The following PCDHGB6 variants were observed in gnomAD, a reference collection of about 807,000 sequenced individuals.
PCDHGB6 encodes the protein protocadherin gamma subfamily B, 6, also known as protocadherin gamma-B6.
Under a neutral mutation model 59.1 loss-of-function variants are expected in PCDHGB6, and 51 were observed. That is an observed-to-expected ratio of 0.86 (90% CI 0.69 to 1.09). The LOEUF (loss-of-function observed/expected upper bound fraction) is 1.09, where lower values mean the gene tolerates loss of function less well. PCDHGB6 is among the 50% of genes least tolerant of loss of function. PCDHGB6 has a pLI of 0.00. For synonymous variants in PCDHGB6, 466 were observed against 495.1 expected (o/e 0.94, Z 0.78); for missense variants, 1,148 against 1,205.1 (o/e 0.95, Z 0.70).
intron 1 of PCDHGB6, 180 bp downstream of exon 1, chr5:141,410,800 T>G: frequency 1.5e-6 from 1 of 678,550 alleles, no homozygotes. Context: ...TAAGTTGCTC[T>G]ATCTTTTTGT....
Position 141,491,739 on chromosome 5 carries a change from C to A in PCDHGB6, c.2419-3068C>A, listed in dbSNP as rs372183034. ...CGCCGCCCCGGGCGACCCCTGGGGG[C>A]GGCACTGGAGAAGCCGCCCGTCCTC... On this transcript the variant is annotated intron_variant, in intron 1 of 3. Transcript: ENST00000520790. The surrounding 1 kb of genome is among the most constrained non-coding windows in gnomAD (Gnocchi z 6.9). 2 of 1,598,886 alleles carry A rather than the reference C, an allele frequency of 1.3e-6. No individual in the cohort carries two copies. The highest frequency in any genetic ancestry group is 1.3e-5 in the African/African-American group (1 of 74,290).
Position 141,432,809 on chromosome 5 carries a change from T to A in PCDHGB6, c.2418+22189T>A. ...CGGCAGCCTCGAGTCTCCAGCTAAC[T>A]CTGAAACCTCAGACCTCACTCTGTA... is the stretch of plus-strand genomic sequence containing the variant. On this transcript the variant is annotated intron_variant, in intron 1 of 3. Coordinates refer to ENST00000520790, the MANE Select transcript of PCDHGB6 (RefSeq NM_018926.3). This position sits in a 1 kb window ranked among gnomAD's most constrained non-coding sequence, Gnocchi z 6.0. The A allele has an allele frequency of 6.2e-7, 1 of 1,613,398 alleles. No homozygotes were observed. Among genetic ancestry groups the A allele is most frequent in the Non-Finnish European group, 8.5e-7 (1 of 1,179,980 alleles).
chr5:141,495,080 G>A (rs73794925), intron 2 of PCDHGB6, among the ~76,000 whole-genome samples: 1 of 152,258 alleles, frequency 6.6e-6, no homozygotes, highest in African/African-American at 2.4e-5. Flanking sequence ...TCACATGCTT[G>A]CCCCTTCCCT....
chr5:141,419,426 G>A (rs753089031), intron 1 of PCDHGB6: 19 of 1,613,194 alleles, frequency 1.2e-5, no homozygotes, highest in Non-Finnish European at 1.5e-5. Context: ...CTTCGACCAC[G>A]AGCAGCTGCG....
At chr5:141,466,545 T>C (rs2099124777) in intron 1 of PCDHGB6, among the ~76,000 whole-genome samples, 1 of 152,216 alleles carries the variant, frequency 6.6e-6, no homozygotes. Flanking sequence ...AGATGGTCTT[T>C]TGCTGTGGGC....
At chr5:141,510,849 G>C (rs959784028) in intron 3 of PCDHGB6, 98 bp from the exon 4 acceptor site, 10 of 1,596,568 alleles carry the variant, frequency 6.3e-6, no homozygotes, top group Middle Eastern at 1.7e-4. Flanking sequence ...CAAGGCCCAG[G>C]GTGCTGTATA....
Position 141,511,590 on chromosome 5 carries a change from A to C in PCDHGB6, c.*417A>C, listed in dbSNP as rs2099883868. On this transcript the variant is annotated 3_prime_UTR_variant, in exon 4 of 4. Transcript: ENST00000520790. ...AGTAAGGTGGTTGGGGTGTTGAAGT[A>C]CCAAGTAACCTACAAGCCTCCTAGT... The C allele has an allele frequency of 3.7e-6, 1 of 267,790 alleles. No homozygotes were observed. Among genetic ancestry groups the C allele is most frequent in the Admixed American group, 4.8e-5 (1 of 20,946 alleles). The allele number at this position is 267,790 out of a possible 1,614,324, so 16.6% of individuals were successfully genotyped here.
intron 1 of PCDHGB6, among the ~76,000 whole-genome samples, chr5:141,470,694 ATAATTT>A (rs2099236876): frequency 6.6e-6 from 1 of 151,978 alleles, no homozygotes; most frequent in African/African-American, 2.4e-5. Context: ...GAAATTCTTA[ATAATTT>A]TTATTTTATT....
In PCDHGB6 at chr5:141,493,577, T is replaced by C. The variant is rs2099749081; in HGVS notation, c.2419-1230T>C. On this transcript the variant is annotated intron_variant, in intron 1 of 3. Coordinates refer to ENST00000520790, the MANE Select transcript of PCDHGB6 (RefSeq NM_018926.3). This position sits in a 1 kb window ranked among gnomAD's most constrained non-coding sequence, Gnocchi z 4.3. ...GAGTTCCCCCAGCTCCGTTTCCTCC[T>C]ATCACAATCACTGCATTTCCATGTA... Among the ~76,000 whole-genome samples, 2 of 152,208 alleles carry C rather than the reference T, an allele frequency of 1.3e-5. No homozygotes were observed. The highest frequency in any genetic ancestry group is 1.3e-4 in the Admixed American group (2 of 15,280).
intron 1 of PCDHGB6, chr5:141,415,477 C>A (rs2095874299): frequency 1.9e-6 from 3 of 1,614,184 alleles, no homozygotes; most frequent in Non-Finnish European, 2.5e-6. Flanking sequence ...CGCGGACTCG[C>A]GAAAGAGTCA....
chr5:141,409,680 C>T lies in PCDHGB6; in HGVS notation c.1478C>T (p.Ala493Val), dbSNP rs756713114. The T allele has an allele frequency of 1.9e-6, 3 of 1,613,242 alleles. No homozygotes were observed. Among genetic ancestry groups the T allele is most frequent in the African/African-American group, 1.3e-5 (1 of 74,948 alleles). The change falls in exon 1 of 4, where the codon GCG becomes GTG. Residue 493 changes from alanine to valine, a missense_variant. Ala to Val is a moderately conservative substitution (Grantham distance 64). This residue lies in a region of PCDHGB6 where 549 missense variants were observed against 527.5 expected (regional missense o/e 1.04). Coordinates refer to ENST00000520790, the MANE Select transcript of PCDHGB6 (RefSeq NM_018926.3). Reference sequence around the variant, plus strand: ...GGCCACATCTCCTACTCTATAGTGGCGAGTGACCTAGAGCCCCTGGCGGTG... The same window carrying T: ...GGCCACATCTCCTACTCTATAGTGGTGAGTGACCTAGAGCCCCTGGCGGTG... ...LNGHISYSIV[A>V]SDLEPLAVSS...
In PCDHGB6 at chr5:141,462,600, A is replaced by G. The variant is rs2154567827; in HGVS notation, c.2419-32207A>G. ...ATCCAGTGAAGTTTCCATTTCATAT[A>G]TTGTATTTTTCACTTTTAGAAGTTC... is the stretch of plus-strand genomic sequence containing the variant. On this transcript the variant is annotated intron_variant, in intron 1 of 3. Coordinates refer to ENST00000520790, the MANE Select transcript of PCDHGB6 (RefSeq NM_018926.3). Among the ~76,000 whole-genome samples, 6 of 152,076 alleles carry G rather than the reference A, an allele frequency of 3.9e-5. No homozygotes were observed. In the Middle Eastern group the frequency reaches 0.014, roughly 345 times the overall value.
chr5:141,428,757 G>T (rs1216855355), intron 1 of PCDHGB6: 1 of 154,176 alleles, frequency 6.5e-6, no homozygotes, highest in Non-Finnish European at 1.4e-5. Context: ...CTTCAGGTTT[G>T]TTTGCCCACT....
chr5:141,418,819 A>T (rs1285247926), intron 1 of PCDHGB6: 1 of 1,613,868 alleles, frequency 6.2e-7, no homozygotes, highest in African/African-American at 1.3e-5. Context: ...TAAACATAGA[A>T]GCAAAAGACC....
rs759439765 is a variant in PCDHGB6 at position 141,478,199 on chromosome 5, C to A, written c.2419-16608C>A. ...GAAAAAAAATCTCACCTTTTATCTA[C>A]TTCTTTCTCTAATCCTGGTTTCTGT... On this transcript the variant is annotated intron_variant, in intron 1 of 3. Coordinates refer to ENST00000520790, the MANE Select transcript of PCDHGB6 (RefSeq NM_018926.3). The A allele has an allele frequency of 3.8e-5, 62 of 1,613,938 alleles. No homozygotes were observed. Among genetic ancestry groups the A allele is most frequent in the Non-Finnish European group, 5.0e-5 (59 of 1,180,046 alleles).
chr5:141,419,621 G>T, intron 1 of PCDHGB6: 2 of 1,612,306 alleles, frequency 1.2e-6, no homozygotes, highest in Non-Finnish European at 1.7e-6. Context: ...AGGCTACCTG[G>T]TGACCAAGGT....
intron 1 of PCDHGB6, among the ~76,000 whole-genome samples, chr5:141,463,896 T>C (rs982611169): frequency 2.0e-5 from 3 of 152,192 alleles, no homozygotes; most frequent in African/African-American, 7.2e-5. Flanking sequence ...CCTTGCTTTT[T>C]GTACTAATAA....
At chr5:141,426,850 C>T in intron 1 of PCDHGB6, 1 of 456,734 alleles carries the variant, frequency 2.2e-6, no homozygotes. Context: ...GGCAAGAACG[C>T]TCCAGAATTA....
chr5:141,413,322 G>A, intron 1 of PCDHGB6: 2 of 1,613,940 alleles, frequency 1.2e-6, no homozygotes, highest in Non-Finnish European at 1.7e-6. Flanking sequence ...GCTCTTTCGT[G>A]GGCAACATCT....
Sources: allele counts gnomAD v4.1 joint callset (sites outside exome capture counted in the v4.1 genomes callset), GRCh38; gene constraint gnomAD v4.1.1; regional missense constraint gnomAD v4.1.1; non-coding constraint Gnocchi (gnomAD v3.1); transcripts MANE v1.5; gene names NCBI Gene and HGNC (gene_info 2026-07-23, HGNC 2026-07-21).